The following STXBP4 variants were observed in gnomAD, a reference collection of about 807,000 sequenced individuals.
The protein encoded by STXBP4 is syntaxin binding protein 4, also known as syntaxin-binding protein 4.
Under a neutral mutation model 76.1 loss-of-function variants are expected in STXBP4, and 55 were observed. That is an observed-to-expected ratio of 0.72 (90% CI 0.58 to 0.91). STXBP4 has a LOEUF of 0.91. STXBP4 is among the 40% of genes least tolerant of loss of function. The probability of loss-of-function intolerance (pLI) is 0.00; values close to 1 mark genes in which losing one functional copy is unlikely to be tolerated. For missense variants in STXBP4, 618 were observed against 636.9 expected, an observed-to-expected ratio of 0.97 and a Z score of 0.32; for synonymous variants, 201 against 220.2, an observed-to-expected ratio of 0.91 and a Z score of 0.77.
intron 17 of STXBP4, among the ~76,000 whole-genome samples, chr17:55,155,477 G>A (rs1437574618): frequency 6.6e-6 from 1 of 151,274 alleles, no homozygotes; most frequent in African/African-American, 2.4e-5. Flanking sequence ...TTTGTTTTCT[G>A]TTTTATATAA....
chr17:55,097,518 C>T (rs1191826185), intron 16 of STXBP4, among the ~76,000 whole-genome samples: 5 of 152,030 alleles, frequency 3.3e-5, no homozygotes, highest in Non-Finnish European at 7.4e-5. Flanking sequence ...AAAAAATTAG[C>T]TGGGCGTGGT....
chr17:55,078,570 A>G, intron 14 of STXBP4, 116 bp from the exon 15 acceptor site: 1 of 659,732 alleles, frequency 1.5e-6, no homozygotes. Context: ...CCGCTACATA[A>G]TAGAAGCATC....
intron 17 of STXBP4, among the ~76,000 whole-genome samples, chr17:55,151,877 G>A (rs1374980766): frequency 1.3e-5 from 2 of 152,100 alleles, no homozygotes; most frequent in African/African-American, 4.8e-5. Context: ...AGTCAAAATG[G>A]TCTGAATTAT....
At chr17:55,031,657 T>G (rs1217864264) in intron 9 of STXBP4, among the ~76,000 whole-genome samples, 1 of 152,188 alleles carries the variant, frequency 6.6e-6, no homozygotes, top group Non-Finnish European at 1.5e-5. Context: ...TGATGCTACC[T>G]AATTAGAGTC....
chr17:55,018,383 G>A (rs553279308), intron 8 of STXBP4, among the ~76,000 whole-genome samples: 17 of 152,282 alleles, frequency 1.1e-4, no homozygotes, highest in Non-Finnish European at 2.1e-4. Flanking sequence ...GGTGGACAGC[G>A]AGCGAAAACT....
rs980511854 is a variant in STXBP4 at position 55,165,768 on chromosome 17, A to T, written c.*5857A>T. On this transcript the variant is annotated 3_prime_UTR_variant, in exon 18 of 18. Coordinates refer to ENST00000376352, the MANE Select transcript of STXBP4 (RefSeq NM_178509.6). ...AGGTCATGAGGCTCCATCCTGGTGA[A>T]TGGGATTAGGACCCTTATGAAAGAG... The T allele has an allele frequency of 1.3e-5, 2 of 152,192 alleles. No individual in the cohort carries two copies. The highest frequency in any genetic ancestry group is 1.3e-4 in the Admixed American group (2 of 15,280). The allele number at this position is 152,192 out of a possible 1,614,324, so 9.4% of individuals were successfully genotyped here.
intron 8 of STXBP4, among the ~76,000 whole-genome samples, chr17:55,019,964 T>C (rs759763490): frequency 1.1e-4 from 17 of 152,236 alleles, no homozygotes; most frequent in Non-Finnish European, 2.1e-4. Context: ...TGGTGTTCTG[T>C]ATTTTCACCT....
rs2628326 is a variant in STXBP4, at chr17:55,100,922, T to G, written c.1489+19739T>G. On this transcript the variant is annotated intron_variant, in intron 16 of 17. Coordinates refer to ENST00000376352, the MANE Select transcript of STXBP4 (RefSeq NM_178509.6). ...TGTTAGGAGACTCATGACAAGGAGCTGAGGACAGTCTCCGGATGAATCCTT... is the reference window on the plus strand; with the variant it reads ...TGTTAGGAGACTCATGACAAGGAGCGGAGGACAGTCTCCGGATGAATCCTT... 1.3e-5 allele frequency among the ~76,000 whole-genome samples: 2 copies of G among 151,894 alleles called. 1 individual carries two copies. The highest frequency in any genetic ancestry group is 4.1e-4 in the South Asian group (2 of 4,824).
chr17:55,103,180 G>T (rs979337934), intron 16 of STXBP4, among the ~76,000 whole-genome samples: 1 of 152,064 alleles, frequency 6.6e-6, no homozygotes, highest in Non-Finnish European at 1.5e-5. Flanking sequence ...ATTGTTTTTG[G>T]TGTTTTAGTC....
chr17:55,137,428 C>T (rs1035773579), intron 16 of STXBP4, among the ~76,000 whole-genome samples: 1 of 152,026 alleles, frequency 6.6e-6, no homozygotes, highest in Non-Finnish European at 1.5e-5. Flanking sequence ...ATTTAATCAG[C>T]CCCCATTGAT....
chr17:54,968,848 C>T (rs8064882), intron 1 of STXBP4, 33 bp downstream of exon 1: 158,886 of 575,688 alleles, frequency 0.28, 22,913 homozygotes, highest in African/African-American at 0.36. Context: ...GACTGTTACT[C>T]CCACTTCGCT....
At chr17:55,205,235 A>G in the STXBP4 span, among the ~76,000 whole-genome samples, 1,442 of 152,150 alleles carry the variant, frequency 9.5e-3, 26 homozygotes, top group Middle Eastern at 0.037. Flanking sequence ...ATAGATCTAT[A>G]TAACAGAGAA....
chr17:55,110,177 A>T (rs2079695173), intron 16 of STXBP4, among the ~76,000 whole-genome samples: 1 of 151,994 alleles, frequency 6.6e-6, no homozygotes, highest in Non-Finnish European at 1.5e-5. Context: ...CTCATATCAC[A>T]TCACTCTGAC....
At chr17:55,014,493 G>C (rs1435098574) in intron 8 of STXBP4, among the ~76,000 whole-genome samples, 1 of 152,184 alleles carries the variant, frequency 6.6e-6, no homozygotes, top group Non-Finnish European at 1.5e-5. Context: ...CCCTCGGATA[G>C]TGACAGATCT....
rs779400196 is a variant in STXBP4, at chr17:55,043,321, T to G, written c.941T>G (p.Leu314Arg). Residue 314 changes from leucine (L) to arginine (R), a missense_variant, in exon 11 of 18, where the codon CTT (leucine) becomes CGT (arginine). Coordinates refer to ENST00000376352, the MANE Select transcript of STXBP4 (RefSeq NM_178509.6). ...GATGCCTTGAAAGAAGTAAATACAC[T>G]TAAGGTAACCTCTAATTTAGTTTCC... ...RDDALKEVNT[L>R]KEKLLESDKQ... is the part of the protein sequence containing the mutation. The G allele has an allele frequency of 1.3e-6, 2 of 1,485,184 alleles. No individual in the cohort carries two copies. The highest frequency in any genetic ancestry group is 1.4e-5 in the South Asian group (1 of 70,570). 92.0% of individuals were successfully genotyped at this position (1,485,184 alleles called of 1,614,324 possible). A position where few individuals can be genotyped will look rare whatever the true frequency, so the allele number is the denominator to read the frequency against.
intron 8 of STXBP4, among the ~76,000 whole-genome samples, chr17:55,011,901 A>G (rs766112300): frequency 6.6e-6 from 1 of 152,098 alleles, no homozygotes; most frequent in Non-Finnish European, 1.5e-5. Context: ...CGACCGCTCT[A>G]ACTGCTTCCT....
chr17:54,974,907 G>A (rs945209773), intron 1 of STXBP4, among the ~76,000 whole-genome samples: 11 of 152,196 alleles, frequency 7.2e-5, no homozygotes, highest in Non-Finnish European at 1.3e-4. Context: ...GAAATTTCTA[G>A]GATGAGTGTG....
chr17:55,065,709 T>C (rs1032864608), intron 12 of STXBP4, among the ~76,000 whole-genome samples: 2 of 152,146 alleles, frequency 1.3e-5, no homozygotes, highest in African/African-American at 4.8e-5. Flanking sequence ...GTAACTAATA[T>C]TTATATTGTG....
intron 1 of STXBP4, among the ~76,000 whole-genome samples, chr17:54,976,612 C>A (rs1012354423): frequency 1.3e-4 from 20 of 152,152 alleles, no homozygotes; most frequent in Non-Finnish European, 2.9e-5. Context: ...AGGAACCCGG[C>A]CAGACGGCAG....
Sources: allele counts gnomAD v4.1 joint callset (sites outside exome capture counted in the v4.1 genomes callset), GRCh38; gene constraint gnomAD v4.1.1; transcripts MANE v1.5; gene names NCBI Gene and HGNC (gene_info 2026-07-23, HGNC 2026-07-21).